Variants in NELL2 observed in about 807,000 individuals in gnomAD.
NELL2 encodes neural EGFL like 2.
NELL2 carries 41 observed loss-of-function variants against 109.6 expected under a neutral mutation model. The observed-to-expected ratio is 0.37, with a 90% CI of 0.29 to 0.49. The LOEUF is 0.49. Among genes scored for constraint, NELL2 ranks in the 20% least tolerant of loss-of-function variants. The probability of loss-of-function intolerance (pLI) is 0.98; values close to 1 mark genes in which losing one functional copy is unlikely to be tolerated. For missense variants in NELL2, 900 were observed against 1,008.3 expected, an observed-to-expected ratio of 0.89 and a Z score of 1.45; for synonymous variants, 355 against 344.7, an observed-to-expected ratio of 1.03 and a Z score of -0.33.
At chr12:44,658,052 C>T (rs1427926168) in intron 13 of NELL2, among the ~76,000 whole-genome samples, 2 of 152,140 alleles carry the variant, frequency 1.3e-5, no homozygotes, top group African/African-American at 2.4e-5. Context: ...GAGGAATCAC[C>T]ACACTGTCTT....
intron 16 of NELL2, among the ~76,000 whole-genome samples, chr12:44,525,935 G>GT (rs34345763): frequency 0.12 from 17,971 of 152,122 alleles, 1,331 homozygotes; most frequent in Middle Eastern, 0.19. Flanking sequence ...GGTCTAGAGT[G>GT]TTTTTGAGGC....
At chr12:44,567,085 C>T (rs993368703) in intron 15 of NELL2, among the ~76,000 whole-genome samples, 11 of 152,182 alleles carry the variant, frequency 7.2e-5, no homozygotes, top group Non-Finnish European at 1.3e-4. Context: ...GCTGGGATTA[C>T]AGGCGTGAGC....
At chr12:44,825,023 A>G (rs535662414) in intron 2 of NELL2, among the ~76,000 whole-genome samples, 1 of 152,078 alleles carries the variant, frequency 6.6e-6, no homozygotes, top group Admixed American at 6.5e-5. Flanking sequence ...AGTGTAATAT[A>G]CTAAAGTCAG....
chr12:44,893,318 T>C (rs1471331816), intron 1 of NELL2, among the ~76,000 whole-genome samples: 1 of 139,660 alleles, frequency 7.2e-6, no homozygotes, highest in Non-Finnish European at 1.6e-5. Flanking sequence ...ATTTTCTCTA[T>C]CAGATATAAA....
chr12:44,550,403 A>G (rs1410188577), intron 15 of NELL2, among the ~76,000 whole-genome samples: 1 of 142,670 alleles, frequency 7.0e-6, no homozygotes, highest in Non-Finnish European at 1.5e-5. Flanking sequence ...ACATGCCACC[A>G]TGCCAGGCTA....
rs1168905968 is a variant in NELL2, at chr12:44,774,863, A to G, written c.892-14T>C. 1.9e-5 allele frequency: 30 copies of G among 1,570,954 alleles called. No homozygotes were observed. The highest frequency in any genetic ancestry group is 2.4e-5 in the Non-Finnish European group (28 of 1,147,168). ...GATGGTTCCATTCTGAAAAGGAAAC[A>G]ATATTTAAAGAATTTCCATGTTAGA... On this transcript the variant is annotated splice_polypyrimidine_tract_variant and intron_variant, in intron 8 of 19. Transcript: ENST00000429094.
chr12:44,726,649 C>T (rs574778836), intron 9 of NELL2, among the ~76,000 whole-genome samples: 2 of 152,154 alleles, frequency 1.3e-5, no homozygotes, highest in Admixed American at 6.5e-5. Flanking sequence ...ATTTTGATTG[C>T]AATTGCTTTC....
intron 13 of NELL2, 81 bp downstream of exon 13, chr12:44,665,402 CA>C (rs1262172817): frequency 1.6e-5 from 20 of 1,242,630 alleles, no homozygotes; most frequent in Admixed American, 2.5e-5. Flanking sequence ...GTATACTTAT[CA>C]AAAAAATGAG....
intron 9 of NELL2, among the ~76,000 whole-genome samples, chr12:44,742,664 T>C (rs901772534): frequency 7.9e-5 from 12 of 152,108 alleles, no homozygotes; most frequent in Non-Finnish European, 1.5e-4. Flanking sequence ...TGCAGAAGCC[T>C]CAGTAGCCGA....
intron 9 of NELL2, among the ~76,000 whole-genome samples, chr12:44,732,293 C>A (rs925298959): frequency 6.6e-6 from 1 of 151,862 alleles, no homozygotes; most frequent in Admixed American, 6.6e-5. Flanking sequence ...AGCTGGAGGC[C>A]TCACACTTCC....
chr12:44,569,335 G>A lies in NELL2; in HGVS notation c.1664-36614C>T, dbSNP rs141333688. On this transcript the variant is annotated intron_variant, in intron 15 of 19. Transcript: ENST00000429094. ...TTTTCACTATTGTAAATAGTGCTGC[G>A]ATTAACATATGCATGCAGGTGTCTT... Among the ~76,000 whole-genome samples the A allele has an allele frequency of 6.1e-3, 929 of 152,062 alleles. 8 individuals are homozygous for A. Among genetic ancestry groups the A allele is most frequent in the African/African-American group, 0.021 (871 of 41,496 alleles).
chr12:44,649,467 AGAGT>A (rs1947228034), intron 13 of NELL2, among the ~76,000 whole-genome samples: 1 of 152,192 alleles, frequency 6.6e-6, no homozygotes, highest in African/African-American at 2.4e-5. Context: ...TTCTGAACGT[AGAGT>A]GAGTAAGTGG....
chr12:44,790,532 A>C (rs1466941293), intron 3 of NELL2, among the ~76,000 whole-genome samples: 1 of 152,162 alleles, frequency 6.6e-6, no homozygotes, highest in Non-Finnish European at 1.5e-5. Context: ...TCTTTAAAGC[A>C]TAAATCACAG....
chr12:44,665,678 T>C (rs1947901496), intron 12 of NELL2, 69 bp from the exon 13 acceptor site: 1 of 1,470,860 alleles, frequency 6.8e-7, no homozygotes, highest in Non-Finnish European at 9.1e-7. Flanking sequence ...TAATTTTCTT[T>C]GGTAGGGAGA....
intron 9 of NELL2, among the ~76,000 whole-genome samples, chr12:44,726,479 T>C (rs1288745040): frequency 2.0e-5 from 3 of 152,130 alleles, no homozygotes; most frequent in Non-Finnish European, 4.4e-5. Context: ...TCTCCATATC[T>C]CTAGTTAATT....
intron 12 of NELL2, among the ~76,000 whole-genome samples, chr12:44,695,020 G>A (rs759431934): frequency 4.8e-5 from 7 of 145,662 alleles, no homozygotes; most frequent in Non-Finnish European, 7.5e-5. Flanking sequence ...GGCCAAAGGG[G>A]TAAAAGGAAA....
At chr12:44,772,288 AAC>A (rs2136577228) in intron 9 of NELL2, among the ~76,000 whole-genome samples, 1 of 152,238 alleles carries the variant, frequency 6.6e-6, no homozygotes, top group African/African-American at 2.4e-5. Context: ...CACACGCACA[AAC>A]ACACATACAA....
chr12:44,658,640 C>G (rs1186024), intron 13 of NELL2, among the ~76,000 whole-genome samples: 3 of 151,780 alleles, frequency 2.0e-5, no homozygotes, highest in African/African-American at 7.3e-5. Flanking sequence ...CAAGACAATC[C>G]TAAGCAAAAA....
At chr12:44,867,248 C>T (rs1205570591) in intron 2 of NELL2, among the ~76,000 whole-genome samples, 1 of 152,104 alleles carries the variant, frequency 6.6e-6, no homozygotes, top group Admixed American at 6.5e-5. Context: ...ACTAGCAAAC[C>T]AAACTCAACA....
Sources: allele counts gnomAD v4.1 joint callset (sites outside exome capture counted in the v4.1 genomes callset), GRCh38; gene constraint gnomAD v4.1.1; transcripts MANE v1.5; gene names NCBI Gene and HGNC (gene_info 2026-07-23, HGNC 2026-07-21).